The following SNTB1 variants were observed in gnomAD, a reference collection of about 807,000 sequenced individuals.
SNTB1 encodes beta-1-syntrophin.
SNTB1 carries 36 observed loss-of-function variants against 48.9 expected under a neutral mutation model. That is an observed-to-expected ratio of 0.74 (90% CI 0.56 to 0.97). The LOEUF (loss-of-function observed/expected upper bound fraction) is 0.97, where lower values mean the gene tolerates loss of function less well. SNTB1 is among the 50% of genes least tolerant of loss of function. The pLI is 0.00. For synonymous variants in SNTB1, 299 were observed against 294.6 expected (o/e 1.01, Z -0.15); for missense variants, 786 against 703.4 (o/e 1.12, Z -1.33).
intron 2 of SNTB1, among the ~76,000 whole-genome samples, chr8:120,682,958 T>G (rs1817960529): frequency 6.8e-6 from 1 of 146,520 alleles, no homozygotes; most frequent in Non-Finnish European, 1.5e-5. Flanking sequence ...CTCGGCTCAC[T>G]GCAACCTCCG....
chr8:120,564,918 ACTTG>A lies in SNTB1; in HGVS notation c.1136+10164_1136+10167del, dbSNP rs369431233. Among the ~76,000 whole-genome samples, 716 of 152,272 alleles carry A rather than the reference ACTTG, an allele frequency of 4.7e-3. 5 individuals are homozygous for A. Among genetic ancestry groups the A allele is most frequent in the African/African-American group, 0.017 (689 of 41,564 alleles). On this transcript the variant is annotated intron_variant, in intron 4 of 6. Coordinates refer to ENST00000517992, the MANE Select transcript of SNTB1 (RefSeq NM_021021.4). ...GGAAACAGATCAGAGAGAAGACGTCACTTGCTTGTGGTCATAAACTGAGGCTTGC... is the reference window on the plus strand; with the variant it reads ...GGAAACAGATCAGAGAGAAGACGTCACTTGTGGTCATAAACTGAGGCTTGC...
At chr8:120,619,162 AT>A (rs990984275) in intron 3 of SNTB1, among the ~76,000 whole-genome samples, 6 of 152,174 alleles carry the variant, frequency 3.9e-5, no homozygotes, top group Non-Finnish European at 1.5e-5. Context: ...TTGAAAGATC[AT>A]TTTTATACTA....
rs527257759 is a variant in SNTB1, at chr8:120,587,135, C to T, written c.997-11910G>A. Among the ~76,000 whole-genome samples the T allele has an allele frequency of 5.3e-5, 8 of 152,226 alleles. No homozygotes were observed. The East Asian group carries it at 7.7e-4, about 15-fold the overall frequency. ...ACTTGGGAGGTTGAGGCAGGAGAATCGCTTGAATCCAGGAGGTGGAGGTTG... is the reference window on the plus strand; with the variant it reads ...ACTTGGGAGGTTGAGGCAGGAGAATTGCTTGAATCCAGGAGGTGGAGGTTG... On this transcript the variant is annotated intron_variant, in intron 3 of 6. Transcript: ENST00000517992.
chr8:120,568,842 T>G (rs888611343), intron 4 of SNTB1, among the ~76,000 whole-genome samples: 1 of 152,218 alleles, frequency 6.6e-6, no homozygotes. Context: ...CAGAATAAGA[T>G]TTCCTCTTGC....
chr8:120,786,677 A>G (rs977975647), intron 1 of SNTB1, among the ~76,000 whole-genome samples: 2 of 152,166 alleles, frequency 1.3e-5, no homozygotes, highest in Non-Finnish European at 2.9e-5. Context: ...GAATAGCCAG[A>G]ATACCAGGTC....
intron 6 of SNTB1, among the ~76,000 whole-genome samples, chr8:120,541,460 C>G (rs370358474): frequency 6.6e-6 from 1 of 152,162 alleles, no homozygotes; most frequent in East Asian, 1.9e-4. Flanking sequence ...TGCTGCATCC[C>G]TAACGTCTAG....
chr8:120,722,392 T>C, intron 1 of SNTB1, among the ~76,000 whole-genome samples: 1 of 152,290 alleles, frequency 6.6e-6, no homozygotes, highest in Middle Eastern at 3.4e-3. Flanking sequence ...TTTCTCCACA[T>C]CCTCTCCAGC....
chr8:120,741,375 G>A (rs773304817), intron 1 of SNTB1, among the ~76,000 whole-genome samples: 1 of 152,204 alleles, frequency 6.6e-6, no homozygotes, highest in Non-Finnish European at 1.5e-5. Context: ...TTGGGAGGCC[G>A]AGGTGGGCAG....
At position 120,804,717 on chromosome 8, in the gene SNTB1, C is replaced by T. The variant is rs115621889; in HGVS notation, c.571+6556G>A. 1.6e-3 allele frequency among the ~76,000 whole-genome samples: 242 copies of T among 152,244 alleles called. 2 individuals carry two copies. The highest frequency in any genetic ancestry group is 5.2e-3 in the African/African-American group (217 of 41,544). On this transcript the variant is annotated intron_variant, in intron 1 of 6. Transcript: ENST00000517992. The stretch of plus-strand genomic sequence containing the variant: ...TCAATCTGAAATTAATTCTGTAATA[C>T]GCCCCCCCAAGGCATGGTCCTCAAT...
intron 6 of SNTB1, among the ~76,000 whole-genome samples, chr8:120,539,314 A>C (rs560785484): frequency 6.6e-6 from 1 of 152,080 alleles, no homozygotes; most frequent in Admixed American, 6.5e-5. Flanking sequence ...AGCAGTACTA[A>C]ATTTCACATC....
chr8:120,711,053 C>A (rs1445102137), intron 1 of SNTB1, among the ~76,000 whole-genome samples: 2 of 152,034 alleles, frequency 1.3e-5, no homozygotes, highest in Non-Finnish European at 2.9e-5. Flanking sequence ...AAACCAAAAA[C>A]CAAAACAAAA....
intron 2 of SNTB1, among the ~76,000 whole-genome samples, chr8:120,636,703 ACGTGTG>A (rs1259726983): frequency 6.6e-6 from 1 of 151,534 alleles, no homozygotes; most frequent in African/African-American, 2.4e-5. Context: ...CAATAAACAT[ACGTGTG>A]CATGTGTCTT....
At chr8:120,683,004 C>T (rs1817961489) in intron 2 of SNTB1, among the ~76,000 whole-genome samples, 1 of 151,136 alleles carries the variant, frequency 6.6e-6, no homozygotes, top group Non-Finnish European at 1.5e-5. Context: ...GCCTCAGCCT[C>T]CCGAGTAGCT....
intron 3 of SNTB1, among the ~76,000 whole-genome samples, chr8:120,579,695 C>G (rs1401903668): frequency 1.0e-5 from 1 of 96,208 alleles, no homozygotes; most frequent in Non-Finnish European, 2.3e-5. Context: ...GAAAAGAAAA[C>G]AAACAAACAA....
intron 5 of SNTB1, among the ~76,000 whole-genome samples, chr8:120,546,122 C>A (rs1336684440): frequency 6.6e-6 from 1 of 152,138 alleles, no homozygotes; most frequent in Non-Finnish European, 1.5e-5. Flanking sequence ...GGCAAGAAAG[C>A]ATAATAGAAA....
chr8:120,707,872 C>A (rs1395135354), intron 1 of SNTB1, among the ~76,000 whole-genome samples: 4 of 151,910 alleles, frequency 2.6e-5, no homozygotes, highest in African/African-American at 4.8e-5. Context: ...GCTACTGATG[C>A]TGGGAAAATC....
intron 1 of SNTB1, among the ~76,000 whole-genome samples, chr8:120,721,104 C>A (rs1818652709): frequency 6.6e-6 from 1 of 152,060 alleles, no homozygotes; most frequent in Non-Finnish European, 1.5e-5. Flanking sequence ...GATTTCCTAG[C>A]TGAATTTCAG....
chr8:120,703,866 T>C (rs965957575), intron 1 of SNTB1, among the ~76,000 whole-genome samples: 15 of 152,182 alleles, frequency 9.9e-5, no homozygotes, highest in African/African-American at 3.6e-4. Flanking sequence ...GCTCTAAATG[T>C]GTAAAGTATG....
chr8:120,793,102 G>A (rs1408984062), intron 1 of SNTB1, among the ~76,000 whole-genome samples: 1 of 151,948 alleles, frequency 6.6e-6, no homozygotes, highest in Non-Finnish European at 1.5e-5. Context: ...CATGTATCAT[G>A]AGCTTGGAGA....
Sources: gnomAD v4.1 joint callset for allele counts (sites outside exome capture counted in the v4.1 genomes callset) on GRCh38, gnomAD v4.1.1 for gene constraint, MANE v1.5 for transcripts, NCBI Gene and HGNC (gene_info 2026-07-23, HGNC 2026-07-21) for gene names.